PATZ1: variants seen among roughly 807,000 people sequenced by gnomAD.
PATZ1 encodes the protein POZ-, AT hook-, and zinc finger-containing protein 1.
Under a neutral mutation model 46.2 loss-of-function variants are expected in PATZ1, and 9 were observed. That is an observed-to-expected ratio of 0.19 (90% CI 0.12 to 0.34). PATZ1 has a LOEUF of 0.34. Ranked by LOEUF, PATZ1 falls within the 10% of genes least tolerant of loss-of-function variation. PATZ1 has a pLI of 1.00. For missense variants in PATZ1, 632 were observed against 923.0 expected (o/e 0.68, Z 4.08); for synonymous variants, 426 against 378.6 (o/e 1.13, Z -1.45).
At chr22:31,336,984 C>A (rs909562285) in intron 2 of PATZ1, among the ~76,000 whole-genome samples, 1 of 151,604 alleles carries the variant, frequency 6.6e-6, no homozygotes, top group African/African-American at 2.4e-5. Context: ...GTGGCAGGTG[C>A]CTGTAGTCCC....
chr22:31,340,675 A>C (rs2049569369), intron 2 of PATZ1: 1 of 1,023,928 alleles, frequency 9.8e-7, no homozygotes, highest in African/African-American at 1.7e-5. Flanking sequence ...CAAAGCCTCA[A>C]ATGTTAGAAT....
rs772907908 is a variant in PATZ1 at position 31,335,799 on chromosome 22, T to C, written c.1400A>G (p.Lys467Arg). 2 of 1,614,112 alleles carry C rather than the reference T, an allele frequency of 1.2e-6. No homozygotes were observed. The highest frequency in any genetic ancestry group is 1.7e-6 in the Non-Finnish European group (2 of 1,180,022). The change falls in exon 3 of 5, where the codon AAG (lysine) becomes AGG (arginine). Residue 467 changes from lysine to arginine, a missense_variant. Physicochemically the swap from Lys to Arg is conservative, Grantham distance 26. This residue lies in a region of PATZ1 where 55 missense variants were observed against 169.0 expected (regional missense o/e 0.33). Transcript: ENST00000266269. Reference protein sequence around the residue: ...LRSHLACHEDKVPCQVCGKYL... With the variant: ...LRSHLACHEDRVPCQVCGKYL... The stretch of plus-strand genomic sequence containing the variant: ...CTTCCCACACACCTGGCAGGGCACC[T>C]TGTCTTCATGACAGGCCAGGTGGGA...
Position 31,327,379 on chromosome 22 carries a change from T to A in PATZ1, c.1646-70A>T, listed in dbSNP as rs1399324573. 5 of 1,326,834 alleles carry A rather than the reference T, an allele frequency of 3.8e-6. No individual in the cohort carries two copies. The highest frequency in any genetic ancestry group is 2.3e-5 in the East Asian group (1 of 43,384). 82.2% of individuals were successfully genotyped at this position (1,326,834 alleles called of 1,614,324 possible). Reference sequence around the variant, plus strand: ...GAGATGCCCCCTCCTGGAGGGGTCATGAGGGGCCAGCTCACAGACCTGTGG... The same window carrying A: ...GAGATGCCCCCTCCTGGAGGGGTCAAGAGGGGCCAGCTCACAGACCTGTGG... On this transcript the variant is annotated intron_variant, in intron 4 of 4. Transcript: ENST00000266269. The surrounding 1 kb of genome is among the most constrained non-coding windows in gnomAD (Gnocchi z 4.2).
In PATZ1 at chr22:31,345,301, C is replaced by G. The variant is rs1324066135; in HGVS notation, c.302G>C (p.Ser101Thr). 6.2e-7 allele frequency: 1 copy of G among 1,611,328 alleles called. No individual in the cohort carries two copies. The highest frequency in any genetic ancestry group is 1.1e-5 in the South Asian group (1 of 90,912). ...TAAPGGGAGGSRELEMHTISS... is the reference protein window; with the variant it reads ...TAAPGGGAGGTRELEMHTISS... ...GATAGTGTGCATCTCCAGCTCCCGG[C>G]TGCCCCCGGCCCCGCCGCCTGGTGC... is the stretch of plus-strand genomic sequence containing the variant. Residue 101 changes from serine (S) to threonine (T), a missense_variant, in exon 1 of 5, where the codon AGC becomes ACC. This residue lies in a region of PATZ1 where 62 missense variants were observed against 67.9 expected (regional missense o/e 0.91). Transcript: ENST00000266269. The surrounding 1 kb of genome is among the most constrained non-coding windows in gnomAD (Gnocchi z 7.4).
intron 2 of PATZ1, among the ~76,000 whole-genome samples, chr22:31,339,291 A>ATC (rs2049550583): frequency 2.6e-5 from 4 of 152,198 alleles, no homozygotes; most frequent in Admixed American, 2.0e-4. Flanking sequence ...GAAAAAACAC[A>ATC]AACATGACAA....
chr22:31,336,669 G>T (rs1601490518), intron 2 of PATZ1, among the ~76,000 whole-genome samples: 1 of 151,784 alleles, frequency 6.6e-6, no homozygotes, highest in Non-Finnish European at 1.5e-5. Flanking sequence ...AGCCGGGTGT[G>T]GTGGCAGACT....
chr22:31,326,862 G>GT lies in PATZ1; in HGVS notation c.*28dup, dbSNP rs745896752. On this transcript the variant is annotated 3_prime_UTR_variant, in exon 5 of 5. Transcript: ENST00000266269. ...AGCATTTCCCAGCAGTCCCCAGATG[G>GT]TTGTTTCCGTGGGGACACAGCAGCT... is the stretch of plus-strand genomic sequence containing the variant. 99 of 1,578,786 alleles carry GT rather than the reference G, an allele frequency of 6.3e-5. No individual in the cohort carries two copies. The highest frequency in any genetic ancestry group is 8.3e-5 in the Non-Finnish European group (96 of 1,158,728).
Position 31,335,706 on chromosome 22 carries a change from C to A in PATZ1, c.1493G>T (p.Ser498Ile), listed in dbSNP as rs2049500636. 1 of 1,614,112 alleles carries A rather than the reference C, an allele frequency of 6.2e-7. No individual in the cohort carries two copies. Among genetic ancestry groups the A allele is most frequent in the East Asian group, 2.2e-5 (1 of 44,886 alleles). Reference sequence around the variant, plus strand: ...GGGCAGATTACCTCGGTTACAGATACTGCAGAAGTTGCTGGGCCCCTCGCT... The same window carrying A: ...GGGCAGATTACCTCGGTTACAGATAATGCAGAAGTTGCTGGGCCCCTCGCT... ...KHSEGPSNFC[S>I]ICNRGFSSAS... The change falls in exon 3 of 5, where the codon AGT becomes ATT. Residue 498 changes from serine to isoleucine, a missense_variant. Physicochemically the swap from Ser to Ile is moderately radical, Grantham distance 142. This residue lies in a region of PATZ1 where 176 missense variants were observed against 249.4 expected (regional missense o/e 0.71). Transcript: ENST00000266269.
In PATZ1 at chr22:31,328,862, G is replaced by A; in HGVS notation, c.1570C>T (p.Gln524Ter). Residue 524 changes from glutamine (Q) to a stop codon, truncating the protein, a stop_gained, in exon 4 of 5, where the codon CAG (glutamine) becomes TAG (stop). Coordinates refer to ENST00000266269, the MANE Select transcript of PATZ1 (RefSeq NM_014323.3). LOFTEE classifies it high-confidence loss of function. This position sits in a 1 kb window ranked among gnomAD's most constrained non-coding sequence, Gnocchi z 4.8. Reference sequence around the variant, plus strand: ...ATGGGCTCCTGGTGCCTGGAGACCTGGGGAAGGGGAACACCGTGGTGGGTT... The same window carrying A: ...ATGGGCTCCTGGTGCCTGGAGACCTAGGGAAGGGGAACACCGTGGTGGGTT... The part of the protein sequence containing the change: ...VKTHHGVPLP[Q>*]VSRHQEPILN... 6.2e-7 allele frequency: 1 copy of A among 1,613,794 alleles called. No homozygotes were observed. The highest frequency in any genetic ancestry group is 8.5e-7 in the Non-Finnish European group (1 of 1,179,704).
chr22:31,340,405 T>C (rs764839231), intron 2 of PATZ1, among the ~76,000 whole-genome samples: 8 of 152,178 alleles, frequency 5.3e-5, no homozygotes, highest in Non-Finnish European at 1.0e-4. Context: ...TCACCTCTTA[T>C]GTTTTCAGCA....
intron 1 of PATZ1, 63 bp from the exon 2 acceptor site, chr22:31,343,023 T>C: frequency 6.2e-7 from 1 of 1,610,252 alleles, no homozygotes; most frequent in Non-Finnish European, 8.5e-7. Context: ...CACAGGCACA[T>C]ATGCATACGT....
Position 31,328,848 on chromosome 22 carries a change from G to A in PATZ1, c.1584C>T (p.His528=), listed in dbSNP as rs755720310. ...HGVPLPQVSR[H]QEPILNGGAA... ...CTCCCCCATTCAGGATGGGCTCCTG[G>A]TGCCTGGAGACCTGGGGAAGGGGAA... The change falls in exon 4 of 5, where the codon CAC becomes CAT. Residue 528 remains histidine, a synonymous_variant. Transcript: ENST00000266269. The surrounding 1 kb of genome is among the most constrained non-coding windows in gnomAD (Gnocchi z 4.8). 6 of 1,613,954 alleles carry A rather than the reference G, an allele frequency of 3.7e-6. No individual in the cohort carries two copies. The East Asian group carries it at 8.9e-5, about 24-fold the overall frequency.
intron 3 of PATZ1, among the ~76,000 whole-genome samples, chr22:31,331,583 C>A (rs1460012356): frequency 6.6e-6 from 1 of 152,108 alleles, no homozygotes; most frequent in African/African-American, 2.4e-5. Flanking sequence ...ACTTCGCGAT[C>A]CACCCGCCTC....
intron 3 of PATZ1, among the ~76,000 whole-genome samples, chr22:31,332,687 T>C (rs1157061613): frequency 1.3e-5 from 2 of 152,242 alleles, no homozygotes; most frequent in Admixed American, 6.5e-5. Context: ...TGGGCCTACA[T>C]AGCTTGATGT....
intron 3 of PATZ1, among the ~76,000 whole-genome samples, chr22:31,331,544 T>C (rs555172728): frequency 2.6e-4 from 39 of 152,144 alleles, no homozygotes; most frequent in East Asian, 7.8e-4. Flanking sequence ...GGTTTCACCA[T>C]GTTAGCCAGG....
intron 3 of PATZ1, among the ~76,000 whole-genome samples, chr22:31,330,952 T>G (rs1411147257): frequency 6.6e-6 from 1 of 152,216 alleles, no homozygotes; most frequent in Non-Finnish European, 1.5e-5. Context: ...CAGCAGTTAG[T>G]GGTTCTGAAG....
chr22:31,338,441 A>G (rs993899877), intron 2 of PATZ1, among the ~76,000 whole-genome samples: 2 of 152,244 alleles, frequency 1.3e-5, no homozygotes, highest in Non-Finnish European at 2.9e-5. Flanking sequence ...TCCAGCATGT[A>G]GGAAGTCAGA....
chr22:31,338,045 TTA>T (rs1351069361), intron 2 of PATZ1: 1 of 152,228 alleles, frequency 6.6e-6, no homozygotes, highest in African/African-American at 2.4e-5. Flanking sequence ...CATACTGCTT[TTA>T]TCTGTTTTAT....
chr22:31,344,874 G>T lies in PATZ1; in HGVS notation c.729C>A (p.Ser243=). The T allele has an allele frequency of 6.2e-7, 1 of 1,612,992 alleles. No homozygotes were observed. The highest frequency in any genetic ancestry group is 8.5e-7 in the Non-Finnish European group (1 of 1,179,968). The change falls in exon 1 of 5, where the codon TCC becomes TCA. Residue 243 remains serine, a synonymous_variant. Transcript: ENST00000266269. ...GGAATGGGGAAGTCAGCAGTTGGGG[G>T]GATAGGGGTCCAGCCACCATGGGCA... The part of the protein sequence containing the change: ...DRLPMVAGPL[S]PQLLTSPFPS...
Sources: allele counts gnomAD v4.1 joint callset (sites outside exome capture counted in the v4.1 genomes callset), GRCh38; gene constraint gnomAD v4.1.1; regional missense constraint gnomAD v4.1.1; non-coding constraint Gnocchi (gnomAD v3.1); transcripts MANE v1.5; gene names NCBI Gene and HGNC (gene_info 2026-07-23, HGNC 2026-07-21).